TRIML1: variants seen among roughly 807,000 people sequenced by gnomAD.
TRIML1 encodes tripartite motif family like 1, also known as probable E3 ubiquitin-protein ligase TRIML1.
A neutral mutation model predicts 32.3 loss-of-function variants in TRIML1; 34 were observed. The ratio of observed to expected loss-of-function variants is 1.05; its 90% CI spans 0.80 to 1.40. The LOEUF (loss-of-function observed/expected upper bound fraction) is 1.40, where lower values mean the gene tolerates loss of function less well. TRIML1 is among the 40% of genes most tolerant of loss of function. The pLI, the probability that TRIML1 is intolerant of heterozygous loss-of-function variation, is 0.00. For missense variants in TRIML1, 595 were observed against 574.9 expected, an observed-to-expected ratio of 1.03 and a Z score of -0.36; for synonymous variants, 244 against 226.6, an observed-to-expected ratio of 1.08 and a Z score of -0.69.
Position 188,147,263 on chromosome 4 carries a change from C to T in TRIML1, c.1298C>T (p.Pro433Leu), listed in dbSNP as rs747832657. The T allele has an allele frequency of 2.9e-5, 46 of 1,587,994 alleles. No individual in the cohort carries two copies. The highest frequency in any genetic ancestry group is 1.5e-4 in the South Asian group (13 of 87,116). The change falls in exon 6 of 6, where the codon CCG (proline) becomes CTG (leucine). Residue 433 changes from proline (P) to leucine (L), a missense_variant. Transcript: ENST00000332517. ...GATGAATCCCTCATCTACAGCTTCCCGCAGGCTTCTTTCCAAGAGGCCCTC... is the reference window on the plus strand; with the variant it reads ...GATGAATCCCTCATCTACAGCTTCCTGCAGGCTTCTTTCCAAGAGGCCCTC... ...GTDESLIYSF[P>L]QASFQEALRP...
chr4:188,148,121 C>G (rs569028743), downstream of TRIML1, among the ~76,000 whole-genome samples: 9 of 152,090 alleles, frequency 5.9e-5, no homozygotes, highest in African/African-American at 2.2e-4. Context: ...AGGTTCTTTT[C>G]GGTGCTTTTG....
chr4:188,143,900 G>C (rs1734956798), intron 4 of TRIML1, 40 bp downstream of exon 4: 1 of 1,613,818 alleles, frequency 6.2e-7, no homozygotes, highest in Non-Finnish European at 8.5e-7. Context: ...AAGCTGCGGG[G>C]CAGTGGTGCT....
At chr4:188,137,478 T>G (rs1734694730), upstream of TRIML1, among the ~76,000 whole-genome samples, 1 of 122,088 alleles carries the variant, frequency 8.2e-6, no homozygotes, top group Non-Finnish European at 1.6e-5. Flanking sequence ...ATTTTTACTT[T>G]TTTTTTTTTT....
chr4:188,149,155 G>A (rs1476430059), downstream of TRIML1, among the ~76,000 whole-genome samples: 6 of 151,482 alleles, frequency 4.0e-5, no homozygotes, highest in African/African-American at 7.3e-5. Flanking sequence ...TCCTGACCTC[G>A]TGATCCACCC....
chr4:188,147,389 C>A lies in TRIML1; in HGVS notation c.*17C>A. On this transcript the variant is annotated 3_prime_UTR_variant, in exon 6 of 6. Coordinates refer to ENST00000332517, the MANE Select transcript of TRIML1 (RefSeq NM_178556.5). Reference sequence around the variant, plus strand: ...CACGTCTGAGGGGCGTGCCCTGAGCCGTCACAGCGGGCGATGTCTGAGACC... The same window carrying A: ...CACGTCTGAGGGGCGTGCCCTGAGCAGTCACAGCGGGCGATGTCTGAGACC... 1 of 1,457,610 alleles carries A rather than the reference C, an allele frequency of 6.9e-7. No homozygotes were observed. 90.3% of individuals were successfully genotyped at this position (1,457,610 alleles called of 1,614,324 possible).
At chr4:188,140,965 G>C (rs1308102406) in intron 2 of TRIML1, 1 of 173,136 alleles carries the variant, frequency 5.8e-6, no homozygotes, top group East Asian at 1.5e-4. Flanking sequence ...CAAAAACATG[G>C]AGGGGAAAAT....
intron 1 of TRIML1, among the ~76,000 whole-genome samples, chr4:188,140,287 A>AT (rs1427151319): frequency 6.6e-6 from 1 of 151,766 alleles, no homozygotes; most frequent in African/African-American, 2.4e-5. Flanking sequence ...CGCCCGGCTA[A>AT]TTTTTTGTAT....
At chr4:188,141,590 T>C (rs1270942529) in intron 2 of TRIML1, among the ~76,000 whole-genome samples, 1 of 152,218 alleles carries the variant, frequency 6.6e-6, no homozygotes, top group African/African-American at 2.4e-5. Context: ...TTTCATAATT[T>C]TTCTTAATTT....
rs1173211386 is a variant in TRIML1, at chr4:188,143,830, AC to A, written c.736-5del. On this transcript the variant is annotated splice_region_variant and splice_polypyrimidine_tract_variant and intron_variant, in intron 3 of 5. Coordinates refer to ENST00000332517, the MANE Select transcript of TRIML1 (RefSeq NM_178556.5). The stretch of plus-strand genomic sequence containing the variant: ...CACCATGCTAACTTCTTTCTTTTTT[AC>A]CCGTAGGAAGTGAGAGGAGCCCTGG... 1.2e-6 allele frequency: 2 copies of A among 1,613,808 alleles called. No homozygotes were observed. The highest frequency in any genetic ancestry group is 1.7e-6 in the Non-Finnish European group (2 of 1,179,988).
At chr4:188,145,117 A>G (rs976793714) in intron 5 of TRIML1, among the ~76,000 whole-genome samples, 1 of 152,022 alleles carries the variant, frequency 6.6e-6, no homozygotes, top group Admixed American at 6.6e-5. Context: ...TTATGGTGGG[A>G]TCTGGTCTAT....
At position 188,142,207 on chromosome 4, in the gene TRIML1, C is replaced by CGTGTGTGTGTGT. The variant is rs61461219; in HGVS notation, c.505-20_505-9dup. The CGTGTGTGTGTGT allele has an allele frequency of 8.9e-4, 901 of 1,014,614 alleles. 8 individuals carry two copies. In the African/African-American group the frequency reaches 0.014, roughly 15 times the overall value. The allele number at this position is 1,014,614 out of a possible 1,614,324, so 62.9% of individuals were successfully genotyped here. ...GGCATTTCTCTTACTAACTTTATCT[C>CGTGTGTGTGTGT]GTGTGTGTGTGTGTGTGTGTGTGTG... On this transcript the variant is annotated intron_variant, in intron 2 of 5. Coordinates refer to ENST00000332517, the MANE Select transcript of TRIML1 (RefSeq NM_178556.5).
upstream of TRIML1, chr4:188,139,366 A>C: frequency 1.9e-6 from 1 of 530,614 alleles, no homozygotes; most frequent in Non-Finnish European, 3.2e-6. Context: ...GTTCCACATT[A>C]AGTCATAATT....
At chr4:188,141,086 G>A (rs979561348) in intron 2 of TRIML1, among the ~76,000 whole-genome samples, 3 of 151,538 alleles carry the variant, frequency 2.0e-5, no homozygotes, top group Admixed American at 2.0e-4. Flanking sequence ...CTCTCCAGCA[G>A]TCAAAGCAAA....
In TRIML1 at chr4:188,139,550, C is replaced by G; in HGVS notation, c.-9C>G. Reference sequence around the variant, plus strand: ...GGTGTAACCTGGCTGCATATCCAGCCTCGAGAAAATGTCTACAGCAGATCT... The same window carrying G: ...GGTGTAACCTGGCTGCATATCCAGCGTCGAGAAAATGTCTACAGCAGATCT... On this transcript the variant is annotated 5_prime_UTR_variant, in exon 1 of 6. Coordinates refer to ENST00000332517, the MANE Select transcript of TRIML1 (RefSeq NM_178556.5). The G allele has an allele frequency of 6.4e-7, 1 of 1,558,118 alleles. No homozygotes were observed. The highest frequency in any genetic ancestry group is 8.7e-7 in the Non-Finnish European group (1 of 1,149,376).
chr4:188,145,725 G>C (rs1312084177), intron 5 of TRIML1, among the ~76,000 whole-genome samples: 1 of 152,094 alleles, frequency 6.6e-6, no homozygotes, highest in Non-Finnish European at 1.5e-5. Flanking sequence ...GCTGAGGCAA[G>C]AGAATCACTT....
intron 1 of TRIML1, 37 bp from the exon 2 acceptor site, chr4:188,140,491 C>T: frequency 6.4e-7 from 1 of 1,556,172 alleles, no homozygotes; most frequent in Non-Finnish European, 8.9e-7. Flanking sequence ...ACCTGGGACT[C>T]TGCTCATTTG....
At chr4:188,143,810 T>C (rs765491084) in intron 3 of TRIML1, 28 bp from the exon 4 acceptor site, 3 of 1,614,044 alleles carry the variant, frequency 1.9e-6, no homozygotes, top group Non-Finnish European at 2.5e-6. Flanking sequence ...AAGCGCACCA[T>C]GCTAACTTCT....
At chr4:188,140,362 T>G (rs1734806424) in intron 1 of TRIML1, among the ~76,000 whole-genome samples, 166 bp from the exon 2 acceptor site, 1 of 152,126 alleles carries the variant, frequency 6.6e-6, no homozygotes, top group Non-Finnish European at 1.5e-5. Flanking sequence ...CCTCAGGTGA[T>G]CCGCCTGCCT....
downstream of TRIML1, among the ~76,000 whole-genome samples, chr4:188,149,941 T>C (rs1735206094): frequency 6.6e-6 from 1 of 150,880 alleles, no homozygotes; most frequent in African/African-American, 2.4e-5. Context: ...TAGCTGGGAC[T>C]ACAGGTGCTC....
Sources: gnomAD v4.1 joint callset for allele counts (sites outside exome capture counted in the v4.1 genomes callset) on GRCh38, gnomAD v4.1.1 for gene constraint, MANE v1.5 for transcripts, NCBI Gene and HGNC (gene_info 2026-07-23, HGNC 2026-07-21) for gene names.